BAIAP2: variants seen among roughly 807,000 people sequenced by gnomAD.
BAIAP2 encodes the protein BAR/IMD domain containing adaptor protein 2, also known as BAR/IMD domain-containing adapter protein 2.
Under a neutral mutation model 63.0 loss-of-function variants are expected in BAIAP2, and 18 were observed. The observed-to-expected ratio is 0.29, with a 90% confidence interval of 0.20 to 0.42. BAIAP2 has a LOEUF of 0.42. BAIAP2 is among the 10% of genes least tolerant of loss of function. BAIAP2 has a pLI of 1.00. For missense variants in BAIAP2, 610 were observed against 734.3 expected (o/e 0.83, Z 1.96); for synonymous variants, 386 against 307.6 (o/e 1.25, Z -2.67).
intron 6 of BAIAP2, chr17:81,086,911 G>T (rs971087042): frequency 3.3e-5 from 8 of 242,968 alleles, no homozygotes; most frequent in African/African-American, 1.8e-4. Context: ...GTTCCTCTAA[G>T]CGGTCGTGGC....
intron 1 of BAIAP2, among the ~76,000 whole-genome samples, chr17:81,045,468 G>A (rs1207844505): frequency 6.6e-6 from 1 of 152,174 alleles, no homozygotes; most frequent in Non-Finnish European, 1.5e-5. Flanking sequence ...AGCCTGGCGG[G>A]TAGGGCAGGC....
intron 6 of BAIAP2, among the ~76,000 whole-genome samples, chr17:81,093,838 A>G (rs950217395): frequency 2.0e-5 from 3 of 152,108 alleles, no homozygotes; most frequent in Non-Finnish European, 4.4e-5. Context: ...AGGGCCGGTG[A>G]TCGCCAGCGT....
At chr17:81,045,936 C>G (rs2143762901) in intron 1 of BAIAP2, among the ~76,000 whole-genome samples, 1 of 152,284 alleles carries the variant, frequency 6.6e-6, no homozygotes, top group Middle Eastern at 3.4e-3. Context: ...CTTCCTGCCT[C>G]CAGAGAGGTG....
rs1054050709 is a variant in BAIAP2 at position 81,116,612 on chromosome 17, G to C, written c.*773G>C. ...GGCAGGTGGGGGCTTCCCCGCTTCC[G>C]GGGTCTGCCCCAGGACTCCTGGGTG... On this transcript the variant is annotated 3_prime_UTR_variant, in exon 14 of 14. Transcript: ENST00000428708. 1 of 437,330 alleles carries C rather than the reference G, an allele frequency of 2.3e-6. No homozygotes were observed. Among genetic ancestry groups the C allele is most frequent in the Admixed American group, 3.6e-5 (1 of 27,752 alleles). The allele number at this position is 437,330 out of a possible 1,614,324, so 27.1% of individuals were successfully genotyped here.
At chr17:81,106,976 G>T in intron 12 of BAIAP2, 69 bp downstream of exon 12, 1 of 1,445,230 alleles carries the variant, frequency 6.9e-7, no homozygotes. Context: ...GCAGTCCCCC[G>T]TTGGAGCCTC....
intron 6 of BAIAP2, among the ~76,000 whole-genome samples, chr17:81,099,433 TGAGATGG>T (rs2058190763): frequency 1.1e-5 from 1 of 90,862 alleles, no homozygotes; most frequent in African/African-American, 3.0e-5. Flanking sequence ...GTGCTGGGGC[TGAGATGG>T]CTGAGATGGC....
rs977729259 is a variant in BAIAP2 at position 81,059,203 on chromosome 17, C to T, written c.217+1236C>T. 2.6e-5 allele frequency among the ~76,000 whole-genome samples: 4 copies of T among 152,300 alleles called. No individual in the cohort carries two copies. The South Asian group carries it at 6.2e-4, about 24-fold the overall frequency. On this transcript the variant is annotated intron_variant, in intron 3 of 13. Coordinates refer to ENST00000428708, the MANE Select transcript of BAIAP2 (RefSeq NM_001144888.2). ...TGCTGCAGGTCTGGTGATGCCCGGG[C>T]GGCTGGAGTTTCTCGAGGCACCGCT...
In BAIAP2 at chr17:81,098,042, G is replaced by A. The variant is rs568311855; in HGVS notation, c.490-1886G>A. ...CTGTGCCATAGGGCTGTGGTGTCACGCGCTACCCCAGACCTCAGGCACATG... is the reference window on the plus strand; with the variant it reads ...CTGTGCCATAGGGCTGTGGTGTCACACGCTACCCCAGACCTCAGGCACATG... On this transcript the variant is annotated intron_variant, in intron 6 of 13. Coordinates refer to ENST00000428708, the MANE Select transcript of BAIAP2 (RefSeq NM_001144888.2). 1.9e-4 allele frequency: 225 copies of A among 1,167,808 alleles called. No individual in the cohort carries two copies. The East Asian group carries it at 1.9e-3, about 10-fold the overall frequency. 72.3% of individuals were successfully genotyped at this position (1,167,808 alleles called of 1,614,324 possible).
At chr17:81,066,167 C>T (rs997824672) in intron 3 of BAIAP2, among the ~76,000 whole-genome samples, 5 of 152,214 alleles carry the variant, frequency 3.3e-5, no homozygotes, top group South Asian at 2.1e-4. Context: ...TTGAAGAGGC[C>T]GCTGTGTACC....
chr17:81,090,730 G>A (rs1049290540), intron 6 of BAIAP2, among the ~76,000 whole-genome samples: 29 of 152,336 alleles, frequency 1.9e-4, no homozygotes, highest in African/African-American at 6.7e-4. Context: ...GGCTGCGTAC[G>A]CGCCCCCCGA....
chr17:81,085,628 C>G (rs916100769), intron 4 of BAIAP2, 26 bp from the exon 5 acceptor site: 3 of 1,603,050 alleles, frequency 1.9e-6, no homozygotes, highest in Non-Finnish European at 2.6e-6. Context: ...GAGCTGACGG[C>G]TGATGTGTTT....
chr17:81,058,560 G>T (rs888623778), intron 3 of BAIAP2, among the ~76,000 whole-genome samples: 1 of 152,210 alleles, frequency 6.6e-6, no homozygotes, highest in Admixed American at 6.5e-5. Flanking sequence ...CCCTCACCTA[G>T]CAGGGTGGTG....
At chr17:81,071,942 C>T (rs1481440020) in intron 3 of BAIAP2, among the ~76,000 whole-genome samples, 1 of 152,270 alleles carries the variant, frequency 6.6e-6, no homozygotes, top group Non-Finnish European at 1.5e-5. Flanking sequence ...CATCTTGTTC[C>T]ATTTCCTTGC....
rs367752681 is a variant in BAIAP2 at position 81,062,389 on chromosome 17, G to A, written c.217+4422G>A. Among the ~76,000 whole-genome samples, 119 of 150,844 alleles carry A rather than the reference G, an allele frequency of 7.9e-4. 1 individual carries two copies. The highest frequency in any genetic ancestry group is 2.9e-3 in the African/African-American group (118 of 41,056). On this transcript the variant is annotated intron_variant, in intron 3 of 13. Transcript: ENST00000428708. ...ATTATGACTCTGTGGTATTTATTAT[G>A]ACGCCTTTGCTTTTCTGGAGTTAAT...
chr17:81,102,385 C>G (rs913606943), intron 7 of BAIAP2, among the ~76,000 whole-genome samples: 1 of 152,210 alleles, frequency 6.6e-6, no homozygotes, highest in African/African-American at 2.4e-5. Flanking sequence ...CCAAGACTCA[C>G]TCCTCTACCA....
intron 6 of BAIAP2, among the ~76,000 whole-genome samples, chr17:81,096,977 A>AGAGGAGGAG (rs202204731): frequency 6.6e-6 from 1 of 151,808 alleles, no homozygotes; most frequent in Non-Finnish European, 1.5e-5. Flanking sequence ...AGGAGAAAGG[A>AGAGGAGGAG]GAGGAGGAGG....
chr17:81,109,396 GAAAAA>G (rs1568193293), intron 13 of BAIAP2: 4 of 807,078 alleles, frequency 5.0e-6, no homozygotes, highest in African/African-American at 2.5e-5. Context: ...AAAAAAAAAA[GAAAAA>G]AAGAAAAACA....
intron 1 of BAIAP2, among the ~76,000 whole-genome samples, chr17:81,052,918 G>T (rs918200166): frequency 1.3e-5 from 2 of 152,184 alleles, no homozygotes; most frequent in Non-Finnish European, 2.9e-5. Flanking sequence ...TGAGCTGGGG[G>T]TTTCTGCTGG....
At chr17:81,110,247 CGGACCGCG>C (rs67061655) in intron 13 of BAIAP2, 53,650 of 985,700 alleles carry the variant, frequency 0.054, 1,515 homozygotes, top group East Asian at 0.13. Flanking sequence ...GCTCAAGACG[CGGACCGCG>C]TGACATTAAG....
Sources: allele counts gnomAD v4.1 joint callset (sites outside exome capture counted in the v4.1 genomes callset), GRCh38; gene constraint gnomAD v4.1.1; transcripts MANE v1.5; gene names NCBI Gene and HGNC (gene_info 2026-07-23, HGNC 2026-07-21).